The following ENOX1 variants were observed in gnomAD, a reference collection of about 807,000 sequenced individuals.
ENOX1 encodes the protein ecto-NOX disulfide-thiol exchanger 1.
A neutral mutation model predicts 82.5 loss-of-function variants in ENOX1; 42 were observed. That is an observed-to-expected ratio of 0.51 (90% CI 0.40 to 0.66). ENOX1 has a LOEUF of 0.66. Among genes scored for constraint, ENOX1 ranks in the 30% least tolerant of loss-of-function variants. The pLI is 0.00. For synonymous variants in ENOX1, 271 were observed against 282.2 expected (o/e 0.96, Z 0.40); for missense variants, 608 against 811.6 (o/e 0.75, Z 3.05).
chr13:43,664,433 A>C (rs1030254048), intron 2 of ENOX1, among the ~76,000 whole-genome samples: 6 of 152,208 alleles, frequency 3.9e-5, no homozygotes, highest in African/African-American at 1.4e-4. Flanking sequence ...TTAAAATAAG[A>C]CTTATTGGGA....
chr13:43,512,684 C>T (rs904930028), intron 2 of ENOX1, among the ~76,000 whole-genome samples: 1 of 148,374 alleles, frequency 6.7e-6, no homozygotes, highest in Non-Finnish European at 1.5e-5. Flanking sequence ...AGTTCTCACA[C>T]TTTGCCTTCC....
At chr13:43,639,464 G>A (rs980023622) in intron 2 of ENOX1, among the ~76,000 whole-genome samples, 4 of 151,984 alleles carry the variant, frequency 2.6e-5, no homozygotes, top group South Asian at 2.1e-4. Context: ...ATACATTGAC[G>A]GTCTAAGATC....
chr13:43,345,852 A>G (rs1230931779), intron 8 of ENOX1, among the ~76,000 whole-genome samples: 1 of 152,152 alleles, frequency 6.6e-6, no homozygotes, highest in Non-Finnish European at 1.5e-5. Context: ...AGATTGAAAG[A>G]TTCAGATTCT....
At chr13:43,747,736 T>C (rs1199429429) in intron 1 of ENOX1, among the ~76,000 whole-genome samples, 1 of 152,154 alleles carries the variant, frequency 6.6e-6, no homozygotes, top group African/African-American at 2.4e-5. Context: ...GGCCCTCAAA[T>C]TGGATACCTT....
intron 15 of ENOX1, among the ~76,000 whole-genome samples, chr13:43,232,040 C>T (rs1403704344): frequency 6.6e-6 from 1 of 151,994 alleles, no homozygotes; most frequent in African/African-American, 2.4e-5. Flanking sequence ...ATCCTTCCAC[C>T]TCAGCCCCCC....
At chr13:43,623,315 G>A (rs1031569222) in intron 2 of ENOX1, among the ~76,000 whole-genome samples, 2 of 152,182 alleles carry the variant, frequency 1.3e-5, no homozygotes, top group African/African-American at 2.4e-5. Context: ...TTCAGCTAGA[G>A]ATGTCCTTCT....
At chr13:43,439,422 G>A (rs1039741327) in intron 3 of ENOX1, among the ~76,000 whole-genome samples, 2 of 151,914 alleles carry the variant, frequency 1.3e-5, no homozygotes, top group African/African-American at 2.4e-5. Flanking sequence ...GGCTGGTCTC[G>A]AGCTCCTGAC....
chr13:43,466,375 ATTG>A (rs1012283345), intron 3 of ENOX1, among the ~76,000 whole-genome samples: 9 of 152,288 alleles, frequency 5.9e-5, no homozygotes, highest in African/African-American at 1.7e-4. Flanking sequence ...ATTATACTTG[ATTG>A]TTAATATAAT....
chr13:43,535,681 C>T (rs755756033), intron 2 of ENOX1, among the ~76,000 whole-genome samples: 1 of 152,056 alleles, frequency 6.6e-6, no homozygotes, highest in Non-Finnish European at 1.5e-5. Context: ...CTACTTGCTC[C>T]CCATGGTATT....
intron 12 of ENOX1, among the ~76,000 whole-genome samples, chr13:43,271,331 G>C (rs1399776195): frequency 6.6e-6 from 1 of 152,066 alleles, no homozygotes; most frequent in African/African-American, 2.4e-5. Flanking sequence ...TAATGACACA[G>C]AAGAAGCTCA....
intron 10 of ENOX1, among the ~76,000 whole-genome samples, chr13:43,324,673 G>A (rs2048007269): frequency 6.6e-6 from 1 of 152,190 alleles, no homozygotes. Context: ...CTTCGCAGGA[G>A]CACCTTTGAC....
intron 3 of ENOX1, among the ~76,000 whole-genome samples, chr13:43,452,463 T>C (rs1292557913): frequency 2.0e-5 from 3 of 152,240 alleles, no homozygotes; most frequent in African/African-American, 7.2e-5. Context: ...ATCCTTTTTA[T>C]GGCTGCATTG....
chr13:43,356,232 G>T, intron 7 of ENOX1, 80 bp from the exon 8 acceptor site: 2 of 1,218,280 alleles, frequency 1.6e-6, no homozygotes, highest in Non-Finnish European at 2.3e-6. Flanking sequence ...GGCACGCTTA[G>T]GCAAATGCTC....
chr13:43,562,529 A>G (rs1383980831), intron 2 of ENOX1, among the ~76,000 whole-genome samples: 1 of 152,170 alleles, frequency 6.6e-6, no homozygotes, highest in Non-Finnish European at 1.5e-5. Flanking sequence ...TTACTTACCA[A>G]TAATAACACT....
At chr13:43,412,137 G>T in intron 4 of ENOX1, 84 bp from the exon 5 acceptor site, 1 of 1,471,918 alleles carries the variant, frequency 6.8e-7, no homozygotes, top group Non-Finnish European at 9.4e-7. Context: ...GATATGTGAG[G>T]CTTCATTTAG....
At chr13:43,231,420 T>C (rs1489991661) in intron 15 of ENOX1, among the ~76,000 whole-genome samples, 1 of 152,200 alleles carries the variant, frequency 6.6e-6, no homozygotes, top group Admixed American at 6.5e-5. Context: ...CTCAGTGCCT[T>C]GGGATTCCAA....
intron 2 of ENOX1, among the ~76,000 whole-genome samples, chr13:43,602,028 C>A (rs975382887): frequency 6.6e-6 from 1 of 151,842 alleles, no homozygotes; most frequent in African/African-American, 2.4e-5. Flanking sequence ...CAATAAGCTC[C>A]TAAATGACTA....
chr13:43,753,300 C>A (rs1463318276), intron 1 of ENOX1, among the ~76,000 whole-genome samples: 1 of 152,260 alleles, frequency 6.6e-6, no homozygotes, highest in South Asian at 2.1e-4. Flanking sequence ...TTATCAAATA[C>A]AAGCTTTAAC....
At chr13:43,665,474 A>T (rs1442280501) in intron 2 of ENOX1, among the ~76,000 whole-genome samples, 1 of 152,208 alleles carries the variant, frequency 6.6e-6, no homozygotes, top group Non-Finnish European at 1.5e-5. Context: ...CTATTTCAGG[A>T]TAGCATTTAG....
Sources: allele counts gnomAD v4.1 joint callset (sites outside exome capture counted in the v4.1 genomes callset), GRCh38; gene constraint gnomAD v4.1.1; transcripts MANE v1.5; gene names NCBI Gene and HGNC (gene_info 2026-07-23, HGNC 2026-07-21).